SVIL: variants seen among roughly 807,000 people sequenced by gnomAD.
SVIL encodes supervillin.
A neutral mutation model predicts 240.4 loss-of-function variants in SVIL; 101 were observed. That is an observed-to-expected ratio of 0.42 (90% CI 0.36 to 0.50). SVIL has a LOEUF of 0.50. SVIL is among the 20% of genes least tolerant of loss of function. The pLI, the probability that SVIL is intolerant of heterozygous loss-of-function variation, is 0.01. For missense variants in SVIL, 2,512 were observed against 2,818.7 expected, an observed-to-expected ratio of 0.89 and a Z score of 2.46; for synonymous variants, 999 against 1,100.0, an observed-to-expected ratio of 0.91 and a Z score of 1.82.
In SVIL at chr10:29,490,947, G is replaced by A; in HGVS notation, c.4092C>T (p.Pro1364=). The A allele has an allele frequency of 3.1e-6, 5 of 1,614,006 alleles. No individual in the cohort carries two copies. Among genetic ancestry groups the A allele is most frequent in the Non-Finnish European group, 4.2e-6 (5 of 1,179,880 alleles). ...CTTCTCTTGCCGCCAGCATTTTCAGGGGGTTTTTGGAGGCCTGAACCCGGC... is the reference window on the plus strand; with the variant it reads ...CTTCTCTTGCCGCCAGCATTTTCAGAGGGTTTTTGGAGGCCTGAACCCGGC... ...PKRRVQASKN[P]LKMLAAREDL... Residue 1364 remains proline (P), a synonymous_variant, in exon 22 of 38, where the codon CCC becomes CCT. Coordinates refer to ENST00000355867, the MANE Select transcript of SVIL (RefSeq NM_021738.3).
chr10:29,681,445 G>A (rs1265161665), intron 2 of SVIL, among the ~76,000 whole-genome samples: 3 of 139,484 alleles, frequency 2.2e-5, no homozygotes, highest in Non-Finnish European at 4.7e-5. Context: ...GTGTGTGTAC[G>A]TGTGTTGAGA....
chr10:29,640,097 A>C (rs1032267448), intron 3 of SVIL, among the ~76,000 whole-genome samples: 3 of 151,886 alleles, frequency 2.0e-5, no homozygotes, highest in African/African-American at 7.3e-5. Flanking sequence ...GCTCTTGCCT[A>C]CCTTCTCTTC....
chr10:29,486,043 CAATGTGGTTTCT>C lies in SVIL; in HGVS notation c.4779+30_4779+41del, dbSNP rs765899042. ...TTGGGCAGCCTGTGCTGAGTGCTTTCAATGTGGTTTCTCACTGAAGGGCAGAGCCCACGGACT... is the reference window on the plus strand; with the variant it reads ...TTGGGCAGCCTGTGCTGAGTGCTTTCCACTGAAGGGCAGAGCCCACGGACT... On this transcript the variant is annotated intron_variant, in intron 26 of 37. Coordinates refer to ENST00000355867, the MANE Select transcript of SVIL (RefSeq NM_021738.3). The C allele has an allele frequency of 1.1e-4, 171 of 1,613,248 alleles. No individual in the cohort carries two copies. The East Asian group carries it at 1.7e-3, about 16-fold the overall frequency.
At chr10:29,570,364 AAT>A (rs1955331830) in intron 1 of SVIL, among the ~76,000 whole-genome samples, 1 of 152,262 alleles carries the variant, frequency 6.6e-6, no homozygotes, top group Non-Finnish European at 1.5e-5. Context: ...GTCACTTCCC[AAT>A]AGTGCATTTG....
At chr10:29,571,657 T>C (rs1349035284) in intron 1 of SVIL, among the ~76,000 whole-genome samples, 1 of 152,246 alleles carries the variant, frequency 6.6e-6, no homozygotes, top group Non-Finnish European at 1.5e-5. Flanking sequence ...AGTTAAGCTT[T>C]GCCTATTAGA....
At chr10:29,648,271 G>T (rs1731654959) in intron 3 of SVIL, among the ~76,000 whole-genome samples, 1 of 152,188 alleles carries the variant, frequency 6.6e-6, no homozygotes, top group Admixed American at 6.5e-5. Context: ...ACACTCATCA[G>T]ATCTGACAAA....
intron 1 of SVIL, among the ~76,000 whole-genome samples, chr10:29,627,934 C>T (rs995803034): frequency 1.3e-5 from 2 of 152,208 alleles, no homozygotes; most frequent in Non-Finnish European, 2.9e-5. Context: ...ACTATCAGCA[C>T]AATTTAGAGA....
At chr10:29,495,878 A>C (rs1417853285) in intron 18 of SVIL, among the ~76,000 whole-genome samples, 1 of 152,260 alleles carries the variant, frequency 6.6e-6, no homozygotes, top group East Asian at 1.9e-4. Flanking sequence ...AGCTGGAAGA[A>C]GAAAACTTAG....
intron 1 of SVIL, among the ~76,000 whole-genome samples, chr10:29,707,175 G>A (rs771554376): frequency 2.0e-5 from 3 of 152,200 alleles, no homozygotes; most frequent in Non-Finnish European, 4.4e-5. Context: ...ATTCTGTGAA[G>A]AATGTCAGTG....
intron 3 of SVIL, among the ~76,000 whole-genome samples, chr10:29,648,063 A>G (rs1958723788): frequency 6.6e-6 from 1 of 151,868 alleles, no homozygotes. Context: ...TGAAATGTTA[A>G]CTAGTTTTCT....
chr10:29,461,397 C>T (rs1944246422), intron 36 of SVIL, among the ~76,000 whole-genome samples: 1 of 152,160 alleles, frequency 6.6e-6, no homozygotes, highest in Non-Finnish European at 1.5e-5. Context: ...TCCAGGGAGA[C>T]AGGTTAGGGT....
At chr10:29,572,972 T>G (rs7899653) in intron 1 of SVIL, among the ~76,000 whole-genome samples, 7 of 152,122 alleles carry the variant, frequency 4.6e-5, no homozygotes, top group African/African-American at 1.7e-4. Flanking sequence ...AGAATCTAAA[T>G]GTTTATTTTG....
chr10:29,590,965 A>G (rs1050683353), intron 1 of SVIL, among the ~76,000 whole-genome samples: 5 of 152,246 alleles, frequency 3.3e-5, no homozygotes, highest in Admixed American at 3.3e-4. Flanking sequence ...AGTAGTTTTA[A>G]TATCTCCAAG....
intron 1 of SVIL, among the ~76,000 whole-genome samples, chr10:29,576,646 G>A (rs1955708712): frequency 6.6e-6 from 1 of 152,192 alleles, no homozygotes; most frequent in Non-Finnish European, 1.5e-5. Flanking sequence ...CTGGGCTCAA[G>A]AAATTCTCCC....
chr10:29,630,168 G>A (rs1042202904), intron 1 of SVIL, among the ~76,000 whole-genome samples: 1 of 152,068 alleles, frequency 6.6e-6, no homozygotes, highest in Admixed American at 6.5e-5. Context: ...TACGCTATAG[G>A]CTTCTGCATC....
chr10:29,473,990 C>T lies in SVIL; in HGVS notation c.5378-1G>A. On this transcript the variant is annotated splice_acceptor_variant, in intron 29 of 37. Coordinates refer to ENST00000355867, the MANE Select transcript of SVIL (RefSeq NM_021738.3). LOFTEE classifies it high-confidence loss of function. ...TGCTCTCCCTTCTGGCGACTTCCCACTGCAAACACAGAATGGCAGAGGGAC... is the reference window on the plus strand; with the variant it reads ...TGCTCTCCCTTCTGGCGACTTCCCATTGCAAACACAGAATGGCAGAGGGAC... 6.2e-7 allele frequency: 1 copy of T among 1,612,986 alleles called. No individual in the cohort carries two copies. Among genetic ancestry groups the T allele is most frequent in the Non-Finnish European group, 8.5e-7 (1 of 1,179,742 alleles).
intron 1 of SVIL, among the ~76,000 whole-genome samples, chr10:29,590,320 A>G (rs1317638076): frequency 1.3e-5 from 2 of 152,114 alleles, no homozygotes; most frequent in Admixed American, 1.3e-4. Flanking sequence ...TCCCAGCACA[A>G]AAGAGCTATT....
intron 1 of SVIL, among the ~76,000 whole-genome samples, chr10:29,733,981 C>T (rs1442910794): frequency 1.3e-5 from 2 of 152,296 alleles, no homozygotes; most frequent in African/African-American, 4.8e-5. Context: ...ATTTCCAAAG[C>T]ATACTTCACT....
intron 2 of SVIL, among the ~76,000 whole-genome samples, chr10:29,669,021 C>T (rs1455229715): frequency 2.0e-5 from 3 of 152,130 alleles, no homozygotes; most frequent in Non-Finnish European, 4.4e-5. Flanking sequence ...CTATGGAGCT[C>T]ACATTCTTTT....
Sources: allele counts gnomAD v4.1 joint callset (sites outside exome capture counted in the v4.1 genomes callset), GRCh38; gene constraint gnomAD v4.1.1; transcripts MANE v1.5; gene names NCBI Gene and HGNC (gene_info 2026-07-23, HGNC 2026-07-21).